FGD3: variants seen among roughly 807,000 people sequenced by gnomAD.
FGD3 encodes the protein FYVE, RhoGEF and PH domain-containing protein 3.
In FGD3, 45 loss-of-function variants were observed where a neutral mutation model predicts 71.8. The observed-to-expected ratio is 0.63, with a 90% CI of 0.49 to 0.80. FGD3 has a LOEUF of 0.80. Ranked by LOEUF, FGD3 falls within the 30% of genes least tolerant of loss-of-function variation. The pLI, the probability that FGD3 is intolerant of heterozygous loss-of-function variation, is 0.00. For missense variants in FGD3, 844 were observed against 951.5 expected (o/e 0.89, Z 1.49); for synonymous variants, 378 against 392.8 (o/e 0.96, Z 0.44).
intron 17 of FGD3, 26 bp downstream of exon 17, chr9:93,034,707 C>G (rs1340124561): frequency 1.2e-6 from 2 of 1,605,234 alleles, no homozygotes; most frequent in Admixed American, 3.4e-5. Flanking sequence ...CCACCAGGCC[C>G]TCAGGCCAGC....
chr9:93,014,507 A>G (rs937898050), intron 9 of FGD3, among the ~76,000 whole-genome samples: 1 of 147,036 alleles, frequency 6.8e-6, no homozygotes, highest in Admixed American at 7.0e-5. Context: ...TGAATAAACA[A>G]TTATTTCTTT....
At chr9:93,017,686 C>T (rs536947061) in intron 10 of FGD3, among the ~76,000 whole-genome samples, 1 of 152,332 alleles carries the variant, frequency 6.6e-6, no homozygotes, top group Admixed American at 6.5e-5. Flanking sequence ...TGCTCAGGGG[C>T]TCAGACTCTG....
At position 92,954,163 on chromosome 9, in the gene FGD3, A is replaced by G. The variant is rs75021964; in HGVS notation, c.-218+6434A>G. ...CACAGCCTCTCTGCCAGGAGCTTTC[A>G]TTTCCTTGGGTCTTGTCTATTGTTA... On this transcript the variant is annotated intron_variant, in intron 1 of 17. Transcript: ENST00000375482. 3.8e-3 allele frequency among the ~76,000 whole-genome samples: 584 copies of G among 152,254 alleles called. 6 individuals are homozygous for G. The highest frequency in any genetic ancestry group is 0.013 in the African/African-American group (553 of 41,572).
intron 1 of FGD3, among the ~76,000 whole-genome samples, chr9:92,955,107 C>A (rs890666441): frequency 6.6e-6 from 1 of 152,156 alleles, no homozygotes; most frequent in Admixed American, 6.5e-5. Flanking sequence ...GGGAGAGGTG[C>A]TCCCAATCAT....
chr9:93,013,988 A>T lies in FGD3; in HGVS notation c.1172A>T (p.His391Leu). ...SAKNGTPQDR[H>L]LFLFNSMILY... ...AAGAACGGCACCCCCCAGGACCGCC[A>T]CCTCTTCCTGGTGAGCCTGGCCCCT... The change falls in exon 9 of 18, where the codon CAC becomes CTC. Residue 391 changes from histidine to leucine, a missense_variant. His to Leu is a moderately conservative substitution (Grantham distance 99). Transcript: ENST00000375482. 1 of 1,605,558 alleles carries T rather than the reference A, an allele frequency of 6.2e-7. No individual in the cohort carries two copies. The highest frequency in any genetic ancestry group is 8.5e-7 in the Non-Finnish European group (1 of 1,176,284).
intron 3 of FGD3, among the ~76,000 whole-genome samples, chr9:92,978,262 G>A (rs1365063743): frequency 7.3e-6 from 1 of 136,836 alleles, no homozygotes; most frequent in Non-Finnish European, 1.6e-5. Context: ...AGCCTGGGCA[G>A]CAAGAAAGAA....
intron 1 of FGD3, among the ~76,000 whole-genome samples, chr9:92,959,102 G>A (rs111828270): frequency 0.016 from 2,450 of 152,212 alleles, 58 homozygotes; most frequent in African/African-American, 0.054. Flanking sequence ...TGGGACTACA[G>A]GTGCCTGCCG....
chr9:92,990,476 G>GT (rs1860364852), intron 3 of FGD3, among the ~76,000 whole-genome samples: 1 of 152,228 alleles, frequency 6.6e-6, no homozygotes, highest in South Asian at 2.1e-4. Context: ...AGTGGGGAAA[G>GT]TGGGCATCCT....
intron 3 of FGD3, among the ~76,000 whole-genome samples, chr9:92,980,864 G>T (rs1448586715): frequency 6.6e-6 from 1 of 151,418 alleles, no homozygotes; most frequent in Non-Finnish European, 1.5e-5. Flanking sequence ...CCAGCTACTC[G>T]GGAGGCTGAG....
At chr9:92,948,432 C>T (rs905193958) in intron 1 of FGD3, among the ~76,000 whole-genome samples, 8 of 152,214 alleles carry the variant, frequency 5.3e-5, no homozygotes, top group Non-Finnish European at 8.8e-5. Context: ...TTTTGTAGTT[C>T]GTGCCTCTGG....
At chr9:92,998,582 C>T (rs557846596) in intron 3 of FGD3, among the ~76,000 whole-genome samples, 2 of 152,272 alleles carry the variant, frequency 1.3e-5, no homozygotes, top group South Asian at 4.1e-4. Flanking sequence ...AGCTTTTCTG[C>T]TCTGGTTTCT....
intron 16 of FGD3, 71 bp from the exon 17 acceptor site, chr9:93,034,470 C>G: frequency 6.6e-7 from 1 of 1,511,022 alleles, no homozygotes; most frequent in Non-Finnish European, 8.9e-7. Context: ...CTGGCCCTAC[C>G]CCAGCCTCCT....
At chr9:92,977,202 T>G (rs984615757) in intron 3 of FGD3, among the ~76,000 whole-genome samples, 1 of 151,954 alleles carries the variant, frequency 6.6e-6, no homozygotes, top group African/African-American at 2.4e-5. Flanking sequence ...CAGGACATGG[T>G]GGGGCAGGAC....
At chr9:92,974,684 CTTT>C (rs975737530) in intron 1 of FGD3, 2 of 152,334 alleles carry the variant, frequency 1.3e-5, no homozygotes, top group Admixed American at 6.5e-5. Context: ...CCTGCTTCTT[CTTT>C]ATTTCGCTTA....
Position 93,003,168 on chromosome 9 carries a change from A to C in FGD3, c.543+154A>C, listed in dbSNP as rs1305950931. Reference sequence around the variant, plus strand: ...TTTTGAGACAAAGTCTCACTCTGTCACCCAAGCTGGAGTGCAGTGGCGCGA... The same window carrying C: ...TTTTGAGACAAAGTCTCACTCTGTCCCCCAAGCTGGAGTGCAGTGGCGCGA... On this transcript the variant is annotated intron_variant, in intron 4 of 17. Transcript: ENST00000375482. This position sits in a 1 kb window ranked among gnomAD's most constrained non-coding sequence, Gnocchi z 4.1. Among the ~76,000 whole-genome samples the C allele has an allele frequency of 1.3e-5, 2 of 151,304 alleles. No individual in the cohort carries two copies. Among genetic ancestry groups the C allele is most frequent in the Admixed American group, 6.6e-5 (1 of 15,188 alleles).
chr9:93,012,924 T>C (rs1322134621), intron 8 of FGD3, among the ~76,000 whole-genome samples: 1 of 151,394 alleles, frequency 6.6e-6, no homozygotes, highest in African/African-American at 2.4e-5. Context: ...TCCAGGTGCA[T>C]GCATTTCTCC....
intron 3 of FGD3, among the ~76,000 whole-genome samples, chr9:92,994,109 A>G (rs1359042350): frequency 2.0e-5 from 3 of 152,100 alleles, no homozygotes; most frequent in Non-Finnish European, 1.5e-5. Context: ...CTATTTCTCC[A>G]CATCCTCTCC....
At chr9:93,001,382 A>G (rs1331910439) in intron 3 of FGD3, among the ~76,000 whole-genome samples, 1 of 152,130 alleles carries the variant, frequency 6.6e-6, no homozygotes, top group African/African-American at 2.4e-5. Context: ...TGTTTCATCT[A>G]GAAGGTCAGA....
At chr9:93,005,903 T>C (rs1587846564) in intron 5 of FGD3, 121 bp from the exon 6 acceptor site, 1 of 1,080,274 alleles carries the variant, frequency 9.3e-7, no homozygotes, top group East Asian at 2.6e-5. Flanking sequence ...GGTGACCAAT[T>C]TGCTCACCAT....
Sources: allele counts gnomAD v4.1 joint callset (sites outside exome capture counted in the v4.1 genomes callset), GRCh38; gene constraint gnomAD v4.1.1; non-coding constraint Gnocchi (gnomAD v3.1); transcripts MANE v1.5; gene names NCBI Gene and HGNC (gene_info 2026-07-23, HGNC 2026-07-21).